Variants in ARHGEF16 observed in about 807,000 individuals in gnomAD.
ARHGEF16 encodes Rho guanine nucleotide exchange factor 16.
A neutral mutation model predicts 74.1 loss-of-function variants in ARHGEF16; 59 were observed. The observed-to-expected ratio is 0.80, with a 90% CI of 0.65 to 0.99. The LOEUF (loss-of-function observed/expected upper bound fraction) is 0.99. Ranked by LOEUF, ARHGEF16 falls within the 50% of genes least tolerant of loss-of-function variation. The pLI, the probability that ARHGEF16 is intolerant of heterozygous loss-of-function variation, is 0.00. For missense variants in ARHGEF16, 948 were observed against 986.6 expected, an observed-to-expected ratio of 0.96 and a Z score of 0.52; for synonymous variants, 415 against 412.6, an observed-to-expected ratio of 1.01 and a Z score of -0.07.
intron 3 of ARHGEF16, 36 bp from the exon 4 acceptor site, chr1:3,467,132 C>T: frequency 6.5e-7 from 1 of 1,534,272 alleles, no homozygotes; most frequent in Non-Finnish European, 8.8e-7. Flanking sequence ...TTTTGCAATC[C>T]CCCAGGGCCA....
Position 3,471,149 on chromosome 1 carries a change from C to A in ARHGEF16, c.1022+1556C>A, listed in dbSNP as rs200063846. On this transcript the variant is annotated intron_variant, in intron 6 of 14. Coordinates refer to ENST00000378378, the MANE Select transcript of ARHGEF16 (RefSeq NM_014448.4). The stretch of plus-strand genomic sequence containing the variant: ...GTGTGCGTGGGTGTGTGTGCCTGGG[C>A]AGGGGTATGTGTGGTCTCGACCCTG... 9.2e-5 allele frequency among the ~76,000 whole-genome samples: 14 copies of A among 151,902 alleles called. No individual in the cohort carries two copies. The East Asian group carries it at 2.7e-3, about 29-fold the overall frequency.
At chr1:3,478,760 G>C in intron 12 of ARHGEF16, 148 bp downstream of exon 12, 1 of 962,888 alleles carries the variant, frequency 1.0e-6, no homozygotes, top group South Asian at 1.8e-5. Flanking sequence ...CTGAGGTAGA[G>C]CCAGAAACAA....
At chr1:3,478,741 C>G (rs1234200012) in intron 12 of ARHGEF16, 129 bp downstream of exon 12, 6 of 1,071,738 alleles carry the variant, frequency 5.6e-6, no homozygotes, top group Non-Finnish European at 6.5e-6. Flanking sequence ...CCTGGCCCTG[C>G]TGTAGGTGCT....
At chr1:3,475,878 G>C in intron 9 of ARHGEF16, 92 bp from the exon 10 acceptor site, 1 of 1,310,508 alleles carries the variant, frequency 7.6e-7, no homozygotes, top group Middle Eastern at 2.5e-4. Flanking sequence ...CCAGAGGCTG[G>C]CTGGGCAGGT....
chr1:3,459,159 C>T (rs61759236), intron 1 of ARHGEF16, among the ~76,000 whole-genome samples: 4 of 152,216 alleles, frequency 2.6e-5, no homozygotes, highest in East Asian at 1.9e-4. Context: ...CACATCAGCA[C>T]GACAATCAGA....
intron 6 of ARHGEF16, among the ~76,000 whole-genome samples, chr1:3,470,050 G>C (rs1258406967): frequency 1.3e-5 from 2 of 152,228 alleles, no homozygotes; most frequent in African/African-American, 4.8e-5. Flanking sequence ...GAGGTAGAGA[G>C]GCTGGACATG....
At chr1:3,456,562 C>G (rs958647515) in intron 1 of ARHGEF16, among the ~76,000 whole-genome samples, 1 of 152,244 alleles carries the variant, frequency 6.6e-6, no homozygotes, top group African/African-American at 2.4e-5. Context: ...GTCCCACCCC[C>G]GCAGGCCACA....
At chr1:3,468,817 G>C (rs1179222434) in intron 4 of ARHGEF16, 63 bp from the exon 5 acceptor site, 1 of 1,537,612 alleles carries the variant, frequency 6.5e-7, no homozygotes, top group African/African-American at 1.4e-5. Context: ...AGGAAAGAAG[G>C]GAGACTTTGG....
In ARHGEF16 at chr1:3,477,977, T is replaced by G; in HGVS notation, c.1576T>G (p.Cys526Gly). ...LFRKIASRPT[C>G]YLFLFNDVLV... ...TCGAAAAATTGCCAGCCGGCCAACG[T>G]GCTACCTTTTCCTGTTCAACGATGT... is the stretch of plus-strand genomic sequence containing the variant. Residue 526 changes from cysteine to glycine, a missense_variant, in exon 11 of 15, where the codon TGC (cysteine) becomes GGC (glycine). Cys to Gly is a radical substitution (Grantham distance 159, BLOSUM62 -3). Coordinates refer to ENST00000378378, the MANE Select transcript of ARHGEF16 (RefSeq NM_014448.4). 1 of 1,612,658 alleles carries G rather than the reference T, an allele frequency of 6.2e-7. No homozygotes were observed. The highest frequency in any genetic ancestry group is 8.5e-7 in the Non-Finnish European group (1 of 1,179,868).
At chr1:3,468,619 G>GC (rs1399386479) in intron 4 of ARHGEF16, 3 of 514,480 alleles carry the variant, frequency 5.8e-6, no homozygotes, top group Non-Finnish European at 1.1e-5. Flanking sequence ...CCCTCTGGAT[G>GC]CCCCATGCTC....
chr1:3,466,272 G>A, intron 3 of ARHGEF16, 79 bp downstream of exon 3: 1 of 1,460,036 alleles, frequency 6.8e-7, no homozygotes. Context: ...GGGTTCGGGT[G>A]GGCCTCAGTT....
chr1:3,474,995 G>A (rs1227078420), intron 9 of ARHGEF16, among the ~76,000 whole-genome samples: 1 of 149,830 alleles, frequency 6.7e-6, no homozygotes, highest in Non-Finnish European at 1.5e-5. Context: ...CTTTCACAGC[G>A]CTGACAGGGA....
chr1:3,463,023 G>A lies in ARHGEF16; in HGVS notation c.-19-43G>A, dbSNP rs924319010. ...GGGGGGTGGACACCCGCGGGGGCAG[G>A]GGAGAGCAGCCTCACGAGACCTCAC... is the stretch of plus-strand genomic sequence containing the variant. On this transcript the variant is annotated intron_variant, in intron 1 of 14. Coordinates refer to ENST00000378378, the MANE Select transcript of ARHGEF16 (RefSeq NM_014448.4). The A allele has an allele frequency of 1.8e-5, 25 of 1,374,670 alleles. No individual in the cohort carries two copies. In the African/African-American group the frequency reaches 2.5e-4, roughly 14 times the overall value. 85.2% of individuals were successfully genotyped at this position (1,374,670 alleles called of 1,614,324 possible).
Position 3,466,137 on chromosome 1 carries a change from C to A in ARHGEF16, c.589-11C>A, listed in dbSNP as rs1386549966. On this transcript the variant is annotated splice_polypyrimidine_tract_variant and intron_variant, in intron 2 of 14. Coordinates refer to ENST00000378378, the MANE Select transcript of ARHGEF16 (RefSeq NM_014448.4). ...TGACAGCTGCGGTTTCTGTGTCTCT[C>A]TTTTGTGCAGAAGACGCTGGGGAGG... The A allele has an allele frequency of 1.9e-6, 3 of 1,548,652 alleles. No homozygotes were observed. The African/African-American group carries it at 4.1e-5, about 21-fold the overall frequency.
At chr1:3,474,165 G>A (rs140798546) in intron 8 of ARHGEF16, 16 of 192,608 alleles carry the variant, frequency 8.3e-5, no homozygotes, top group East Asian at 3.9e-4. Context: ...CAATGCACAC[G>A]TTTGCATACA....
chr1:3,459,510 G>C (rs1180156433), intron 1 of ARHGEF16, among the ~76,000 whole-genome samples: 1 of 152,190 alleles, frequency 6.6e-6, no homozygotes, highest in African/African-American at 2.4e-5. Flanking sequence ...ATGTCCTTCA[G>C]GGCAATGAGG....
intron 5 of ARHGEF16, 63 bp from the exon 6 acceptor site, chr1:3,469,370 T>C: frequency 6.3e-7 from 1 of 1,583,202 alleles, no homozygotes; most frequent in Non-Finnish European, 8.6e-7. Flanking sequence ...TTCCAAGCAT[T>C]GGTCACCGAG....
chr1:3,467,124 T>C, intron 3 of ARHGEF16, 44 bp from the exon 4 acceptor site: 3 of 1,523,618 alleles, frequency 2.0e-6, no homozygotes, highest in Non-Finnish European at 2.7e-6. Flanking sequence ...GCGCAGCCTT[T>C]TGCAATCCCC....
In ARHGEF16 at chr1:3,463,061, C is replaced by G. The variant is rs775021995; in HGVS notation, c.-19-5C>G. ...CACGAGACCTCACTTCTGCCCTTCC[C>G]CCAGGACCCCACAGCCGCCCAGCAT... On this transcript the variant is annotated splice_region_variant and splice_polypyrimidine_tract_variant and intron_variant, in intron 1 of 14. Coordinates refer to ENST00000378378, the MANE Select transcript of ARHGEF16 (RefSeq NM_014448.4). 6.9e-7 allele frequency: 1 copy of G among 1,445,236 alleles called. No individual in the cohort carries two copies. The highest frequency in any genetic ancestry group is 1.4e-5 in the African/African-American group (1 of 69,708). The allele number at this position is 1,445,236 out of a possible 1,614,324, so 89.5% of individuals were successfully genotyped here.
Sources: gnomAD v4.1 joint callset for allele counts (sites outside exome capture counted in the v4.1 genomes callset) on GRCh38, gnomAD v4.1.1 for gene constraint, MANE v1.5 for transcripts, NCBI Gene and HGNC (gene_info 2026-07-23, HGNC 2026-07-21) for gene names.